Variants in NCOA3 observed in about 807,000 individuals in gnomAD.
The protein encoded by NCOA3 is nuclear receptor coactivator 3, also known as CBP-interacting protein.
In NCOA3, 51 loss-of-function variants were observed where a neutral mutation model predicts 158.8. That is an observed-to-expected ratio of 0.32 (90% CI 0.26 to 0.41). The LOEUF is 0.41. Ranked by LOEUF, NCOA3 falls within the 10% of genes least tolerant of loss-of-function variation. The pLI, the probability that NCOA3 is intolerant of heterozygous loss-of-function variation, is 1.00. For synonymous variants in NCOA3, 537 were observed against 592.4 expected (o/e 0.91, Z 1.36); for missense variants, 1,510 against 1,746.6 (o/e 0.86, Z 2.41).
chr20:47,546,428 T>A (rs963401828), intron 1 of NCOA3, among the ~76,000 whole-genome samples: 1 of 152,106 alleles, frequency 6.6e-6, no homozygotes, highest in Non-Finnish European at 1.5e-5. Context: ...AACCGGTTTG[T>A]CATTCCTCTC....
intron 3 of NCOA3, 54 bp from the exon 4 acceptor site, chr20:47,623,857 T>C (rs2086280515): frequency 4.6e-6 from 7 of 1,520,968 alleles, no homozygotes; most frequent in Admixed American, 2.1e-5. Flanking sequence ...AACAGCTCTT[T>C]TGTGATATAT....
chr20:47,616,710 C>A (rs759481372), intron 2 of NCOA3, among the ~76,000 whole-genome samples: 4 of 152,072 alleles, frequency 2.6e-5, no homozygotes, highest in Non-Finnish European at 5.9e-5. Flanking sequence ...CTTTTCTGTA[C>A]TTTGGTGCCA....
At chr20:47,562,946 A>G (rs187526055) in intron 1 of NCOA3, among the ~76,000 whole-genome samples, 164 of 152,302 alleles carry the variant, frequency 1.1e-3, no homozygotes, top group Non-Finnish European at 2.0e-3. Context: ...AGGTCTTGCT[A>G]TGTTGGCCGG....
At chr20:47,507,538 T>C (rs1304258318) in intron 1 of NCOA3, among the ~76,000 whole-genome samples, 2 of 152,156 alleles carry the variant, frequency 1.3e-5, no homozygotes, top group Non-Finnish European at 2.9e-5. Flanking sequence ...GTGCTGTTAA[T>C]TTTTTCTGTC....
intron 1 of NCOA3, among the ~76,000 whole-genome samples, chr20:47,519,844 C>G (rs1056004894): frequency 2.0e-5 from 3 of 151,978 alleles, no homozygotes; most frequent in African/African-American, 7.3e-5. Context: ...TCACTGCAAC[C>G]TCTGCCTCCC....
At chr20:47,594,987 T>C (rs2085728547) in intron 2 of NCOA3, among the ~76,000 whole-genome samples, 1 of 150,824 alleles carries the variant, frequency 6.6e-6, no homozygotes, top group Non-Finnish European at 1.5e-5. Flanking sequence ...AGATGGAATT[T>C]TGCCACGCTG....
chr20:47,649,223 T>C (rs536694458), intron 19 of NCOA3, 114 bp downstream of exon 19: 51 of 552,476 alleles, frequency 9.2e-5, no homozygotes, highest in Non-Finnish European at 1.3e-4. Context: ...CTGAATTTCT[T>C]GTGTAAGAAA....
chr20:47,619,949 C>G (rs868061595), intron 2 of NCOA3, among the ~76,000 whole-genome samples: 2 of 151,910 alleles, frequency 1.3e-5, no homozygotes, highest in African/African-American at 2.4e-5. Context: ...GCGCCTGCCA[C>G]CACGCCCAGC....
rs757055529 is a variant in NCOA3 at position 47,639,797 on chromosome 20, A to G, written c.2928A>G (p.Gln976=). 2 of 1,614,102 alleles carry G rather than the reference A, an allele frequency of 1.2e-6. No individual in the cohort carries two copies. The highest frequency in any genetic ancestry group is 2.2e-5 in the East Asian group (1 of 44,902). The change falls in exon 15 of 23, where the codon CAA becomes CAG. Residue 976 remains glutamine, a synonymous_variant. Coordinates refer to ENST00000371998, the MANE Select transcript of NCOA3 (RefSeq NM_181659.3). The part of the protein sequence containing the change: ...NSIPGARPVL[Q]QQQQMLQMRP... Reference sequence around the variant, plus strand: ...TACCAGGTGCGAGACCAGTATTGCAACAGCAGCAGCAGATGCTTCAAATGA... The same window carrying G: ...TACCAGGTGCGAGACCAGTATTGCAGCAGCAGCAGCAGATGCTTCAAATGA...
intron 1 of NCOA3, among the ~76,000 whole-genome samples, chr20:47,534,353 G>A (rs1008819838): frequency 6.6e-6 from 1 of 151,146 alleles, no homozygotes; most frequent in African/African-American, 2.4e-5. Flanking sequence ...CTTCTAGTTT[G>A]TGCTGTCCAA....
rs77024977 is a variant in NCOA3, at chr20:47,507,439, T to C, written c.-99+5420T>C. ...TGTTTTGAGTAGCTCTTGGTTTATG[T>C]CGACAACCTAATTAGTTTGTTAGTA... On this transcript the variant is annotated intron_variant, in intron 1 of 22. Transcript: ENST00000371998. 6.7e-3 allele frequency among the ~76,000 whole-genome samples: 1,025 copies of C among 152,316 alleles called. 14 individuals carry two copies. The highest frequency in any genetic ancestry group is 0.023 in the African/African-American group (959 of 41,574).
chr20:47,549,541 C>T (rs1406858009), intron 1 of NCOA3, among the ~76,000 whole-genome samples: 1 of 121,200 alleles, frequency 8.3e-6, no homozygotes, highest in Non-Finnish European at 1.6e-5. Flanking sequence ...TCCTGGGCAA[C>T]AGAGCGAAGA....
Position 47,636,351 on chromosome 20 carries a change from C to T in NCOA3, c.1965C>T (p.Ser655=). 1.2e-6 allele frequency: 2 copies of T among 1,614,212 alleles called. No individual in the cohort carries two copies. Among genetic ancestry groups the T allele is most frequent in the Non-Finnish European group, 1.7e-6 (2 of 1,180,036 alleles). ...AAGAATCTTCTGTTAGTGTCACCAG[C>T]CCCTCTGGAGTCTCCTCCTCTACAT... is the stretch of plus-strand genomic sequence containing the variant. ...SCKESSVSVT[S]PSGVSSSTSG... is the part of the protein sequence containing the mutation. The change falls in exon 12 of 23, where the codon AGC becomes AGT. Residue 655 remains serine (S), a synonymous_variant. Transcript: ENST00000371998.
rs41283354 is a variant in NCOA3, at chr20:47,633,519, A to G, written c.847A>G (p.Asn283Asp). 1,172 of 1,612,274 alleles carry G rather than the reference A, an allele frequency of 7.3e-4. 3 individuals are homozygous for G. The highest frequency in any genetic ancestry group is 9.9e-4 in the Middle Eastern group (6 of 6,056). ...AGGAAAGGTTGTCAATATAGATACAAATTCACTGAGATCCTCCATGAGGCC... is the reference window on the plus strand; with the variant it reads ...AGGAAAGGTTGTCAATATAGATACAGATTCACTGAGATCCTCCATGAGGCC... ...LSGKVVNIDT[N>D]SLRSSMRPGF... The change falls in exon 9 of 23, where the codon AAT becomes GAT. Residue 283 changes from asparagine to aspartate, a missense_variant. Asn to Asp is a conservative substitution (Grantham distance 23, BLOSUM62 1). Around this residue, in one of 4 missense-constraint regions of NCOA3, gnomAD observed 309 missense variants for 427.1 expected, o/e 0.72. Transcript: ENST00000371998.
At chr20:47,635,296 G>T (rs1214967503) in intron 10 of NCOA3, 26 bp from the exon 11 acceptor site, 1 of 1,534,832 alleles carries the variant, frequency 6.5e-7, no homozygotes, top group East Asian at 2.3e-5. Context: ...GAATTTTTTA[G>T]TAAAAGTTTG....
chr20:47,615,377 T>TG (rs1197090281), intron 2 of NCOA3, among the ~76,000 whole-genome samples: 2 of 152,220 alleles, frequency 1.3e-5, no homozygotes, highest in Non-Finnish European at 2.9e-5. Flanking sequence ...GCTTGCCTAA[T>TG]GAACACTGGT....
At chr20:47,526,317 T>C (rs2084448036) in intron 1 of NCOA3, among the ~76,000 whole-genome samples, 1 of 146,866 alleles carries the variant, frequency 6.8e-6, no homozygotes, top group African/African-American at 2.5e-5. Flanking sequence ...TCCCAGACGA[T>C]GGGCGGCCAG....
intron 1 of NCOA3, among the ~76,000 whole-genome samples, chr20:47,519,537 A>G (rs1465634360): frequency 1.3e-5 from 2 of 152,194 alleles, no homozygotes; most frequent in African/African-American, 4.8e-5. Flanking sequence ...GTGGAGAAAC[A>G]AGGGAGAAGA....
chr20:47,606,136 T>A (rs903698771), intron 2 of NCOA3, among the ~76,000 whole-genome samples: 7 of 152,166 alleles, frequency 4.6e-5, no homozygotes, highest in African/African-American at 1.7e-4. Flanking sequence ...GAGCCACTGC[T>A]CCTGGCCCTA....
Sources: allele counts gnomAD v4.1 joint callset (sites outside exome capture counted in the v4.1 genomes callset), GRCh38; gene constraint gnomAD v4.1.1; regional missense constraint gnomAD v4.1.1; transcripts MANE v1.5; gene names NCBI Gene and HGNC (gene_info 2026-07-23, HGNC 2026-07-21).